SLC14A1: variants seen among roughly 807,000 people sequenced by gnomAD.
SLC14A1 encodes the protein solute carrier family 14 member 1 (Kidd blood group), also known as urea transporter 1.
SLC14A1 carries 36 observed loss-of-function variants against 39.6 expected under a neutral mutation model. The observed-to-expected ratio is 0.91, with a 90% CI of 0.70 to 1.20. SLC14A1 has a LOEUF of 1.20. SLC14A1 is among the 50% of genes most tolerant of loss of function. The probability of loss-of-function intolerance (pLI) is 0.00; values close to 1 mark genes in which losing one functional copy is unlikely to be tolerated. For synonymous variants in SLC14A1, 164 were observed against 173.6 expected, an observed-to-expected ratio of 0.94 and a Z score of 0.43; for missense variants, 469 against 478.7, an observed-to-expected ratio of 0.98 and a Z score of 0.19.
At chr18:45,737,040 T>G (rs16978475) in intron 6 of SLC14A1, among the ~76,000 whole-genome samples, 6 of 152,194 alleles carry the variant, frequency 3.9e-5, no homozygotes, top group African/African-American at 1.4e-4. Flanking sequence ...ATGCTTACTC[T>G]TAGAGCTTCT....
chr18:45,741,434 A>C (rs181549539), intron 8 of SLC14A1, among the ~76,000 whole-genome samples: 38 of 152,356 alleles, frequency 2.5e-4, no homozygotes, highest in Middle Eastern at 3.4e-3. Flanking sequence ...TAATCAAGCC[A>C]AGGTATCTAA....
At chr18:45,733,648 T>A (rs1568034657) in intron 4 of SLC14A1, among the ~76,000 whole-genome samples, 2 of 152,224 alleles carry the variant, frequency 1.3e-5, no homozygotes, top group Non-Finnish European at 1.5e-5. Flanking sequence ...CAGATTGCCT[T>A]ACTAAACTCC....
chr18:45,751,568 A>G lies in SLC14A1; in HGVS notation c.*1617A>G. On this transcript the variant is annotated 3_prime_UTR_variant, in exon 10 of 10. Transcript: ENST00000321925. ...GGAGGTAAAAGGATCTCTTGAGCCC[A>G]GGAGTTCAAGACCAGCTTGGGCAAC... is the stretch of plus-strand genomic sequence containing the variant. 1.1e-6 allele frequency: 1 copy of G among 945,916 alleles called. No individual in the cohort carries two copies. Among genetic ancestry groups the G allele is most frequent in the Non-Finnish European group, 1.3e-6 (1 of 794,118 alleles). 58.6% of individuals were successfully genotyped at this position (945,916 alleles called of 1,614,324 possible).
Position 45,734,282 on chromosome 18 carries a change from T to C in SLC14A1, c.350T>C (p.Ile117Thr), listed in dbSNP as rs374022751. The C allele has an allele frequency of 1.2e-5, 20 of 1,613,934 alleles. No homozygotes were observed. Among genetic ancestry groups the C allele is most frequent in the Non-Finnish European group, 1.5e-5 (18 of 1,179,960 alleles). Residue 117 changes from isoleucine (I) to threonine (T), a missense_variant, in exon 5 of 10, where the codon ATA becomes ACA. Coordinates refer to ENST00000321925, the MANE Select transcript of SLC14A1 (RefSeq NM_015865.7). Reference sequence around the variant, plus strand: ...TGTCTCTTGCCCCACAGGTCATTAATAGCATCTGGGCTCTATGGCTACAAT... The same window carrying C: ...TGTCTCTTGCCCCACAGGTCATTAACAGCATCTGGGCTCTATGGCTACAAT... Reference protein sequence around the residue: ...ALLLSQDRSLIASGLYGYNAT... With the variant: ...ALLLSQDRSLTASGLYGYNAT...
intron 2 of SLC14A1, chr18:45,727,065 T>C (rs2046884129): frequency 1.8e-6 from 1 of 548,104 alleles, no homozygotes. Flanking sequence ...GCTGTCTTTC[T>C]GCCCACTGAG....
intron 9 of SLC14A1, 123 bp from the exon 10 acceptor site, chr18:45,749,655 T>G (rs773285322): frequency 9.0e-7 from 1 of 1,111,218 alleles, no homozygotes; most frequent in Non-Finnish European, 1.4e-6. Flanking sequence ...ATGCACAGAA[T>G]CCAGAGCAAT....
At chr18:45,732,892 G>A (rs191432996) in intron 4 of SLC14A1, among the ~76,000 whole-genome samples, 5 of 152,312 alleles carry the variant, frequency 3.3e-5, no homozygotes, top group Admixed American at 1.3e-4. Context: ...AATATGTGGT[G>A]CATATACAAC....
chr18:45,750,787 T>G lies in SLC14A1; in HGVS notation c.*836T>G. 1.0e-6 allele frequency: 1 copy of G among 985,028 alleles called. No homozygotes were observed. The highest frequency in any genetic ancestry group is 1.7e-5 in the African/African-American group (1 of 57,344). The allele number at this position is 985,028 out of a possible 1,614,324, so 61.0% of individuals were successfully genotyped here. A position where few individuals can be genotyped will look rare whatever the true frequency, so the allele number is the denominator to read the frequency against. On this transcript the variant is annotated 3_prime_UTR_variant, in exon 10 of 10. Transcript: ENST00000321925. Reference sequence around the variant, plus strand: ...TTACTGTATTTATGAAATACTCAGCTTAGGCATTTTTACTTTAACCCCTAA... The same window carrying G: ...TTACTGTATTTATGAAATACTCAGCGTAGGCATTTTTACTTTAACCCCTAA...
chr18:45,734,367 G>A lies in SLC14A1; in HGVS notation c.435G>A (p.Trp145Ter). ...CGGACAAGGGAGACTATTTCTGGTG[G>A]CTGTTACTCCCTGTATGTGCTATGT... ...VFSDKGDYFWWLLLPVCAMSM... is the reference protein window; with the variant it reads ...VFSDKGDYFW Residue 145 changes from tryptophan to a stop codon, truncating the protein, a stop_gained, in exon 5 of 10, where the codon TGG becomes TGA. Coordinates refer to ENST00000321925, the MANE Select transcript of SLC14A1 (RefSeq NM_015865.7). LOFTEE classifies it high-confidence loss of function. The A allele has an allele frequency of 1.2e-6, 2 of 1,613,806 alleles. No homozygotes were observed. Among genetic ancestry groups the A allele is most frequent in the Non-Finnish European group, 1.7e-6 (2 of 1,179,960 alleles).
Position 45,749,894 on chromosome 18 carries a change from AG to A in SLC14A1, c.1114del (p.Glu372LysfsTer34), listed in dbSNP as rs1206597770. ...MPLSKVTYPE[E>X]NRIFYLQAKK... ...CCCTCAGTAAAGTTACTTATCCTGA[AG>A]AAAACCGCATCTTCTACCTGCAAGC... On this transcript the variant is annotated frameshift_variant, in exon 10 of 10. Coordinates refer to ENST00000321925, the MANE Select transcript of SLC14A1 (RefSeq NM_015865.7). LOFTEE classifies it high-confidence loss of function. 3.7e-6 allele frequency: 6 copies of A among 1,614,058 alleles called. No homozygotes were observed. Among genetic ancestry groups the A allele is most frequent in the Middle Eastern group, 1.6e-4 (1 of 6,084 alleles).
At position 45,727,495 on chromosome 18, in the gene SLC14A1, A is replaced by G. The variant is rs944612578; in HGVS notation, c.-22+2482A>G. ...AAACTCTGGTGTATCTTTTCCGGGC[A>G]GAGCCTGGGAAGTGGGGGTTGGCTG... On this transcript the variant is annotated intron_variant, in intron 2 of 9. Coordinates refer to ENST00000321925, the MANE Select transcript of SLC14A1 (RefSeq NM_015865.7). 11 of 1,452,200 alleles carry G rather than the reference A, an allele frequency of 7.6e-6. No individual in the cohort carries two copies. The South Asian group carries it at 1.4e-4, about 18-fold the overall frequency. The allele number at this position is 1,452,200 out of a possible 1,614,324, so 90.0% of individuals were successfully genotyped here.
In SLC14A1 at chr18:45,750,399, G is replaced by A. The variant is rs2047674296; in HGVS notation, c.*448G>A. ...TTAATCCAGAATTCTGTGATAAGCA[G>A]CTTGGCTTTTTTTTTAAATCAATGC... On this transcript the variant is annotated 3_prime_UTR_variant, in exon 10 of 10. Coordinates refer to ENST00000321925, the MANE Select transcript of SLC14A1 (RefSeq NM_015865.7). The A allele has an allele frequency of 1.5e-5, 16 of 1,071,760 alleles. No homozygotes were observed. The African/African-American group carries it at 1.7e-4, about 11-fold the overall frequency. 66.4% of individuals were successfully genotyped at this position (1,071,760 alleles called of 1,614,324 possible).
intron 4 of SLC14A1, among the ~76,000 whole-genome samples, chr18:45,732,919 C>T (rs2047076158): frequency 6.6e-6 from 1 of 152,138 alleles, no homozygotes; most frequent in Non-Finnish European, 1.5e-5. Flanking sequence ...TACTACATAG[C>T]CATAAAAAGG....
intron 8 of SLC14A1, among the ~76,000 whole-genome samples, chr18:45,741,834 G>A (rs993232381): frequency 2.6e-5 from 4 of 151,610 alleles, no homozygotes; most frequent in Admixed American, 2.6e-4. Flanking sequence ...GGGTTAGAAT[G>A]TTTATCCTAC....
intron 4 of SLC14A1, 87 bp downstream of exon 4, chr18:45,731,291 T>C: frequency 7.9e-7 from 1 of 1,269,400 alleles, no homozygotes; most frequent in Non-Finnish European, 1.1e-6. Context: ...TAAAACCACA[T>C]CCTTCCCAGG....
intron 5 of SLC14A1, among the ~76,000 whole-genome samples, chr18:45,735,601 G>A (rs1294736874): frequency 1.3e-5 from 2 of 152,204 alleles, no homozygotes; most frequent in Admixed American, 6.5e-5. Flanking sequence ...AGCACAGCCT[G>A]CTGTGGGCAG....
Position 45,749,798 on chromosome 18 carries a change from C to G in SLC14A1, c.1017C>G (p.Thr339=). ...FMAEVGLPAC[T]WPFCLATLLF... ...CCCAGGTTGGATTGCCAGCTTGTAC[C>G]TGGCCCTTCTGTTTGGCCACGCTAT... is the stretch of plus-strand genomic sequence containing the variant. Residue 339 remains threonine, a synonymous_variant, in exon 10 of 10, where the codon ACC becomes ACG. Coordinates refer to ENST00000321925, the MANE Select transcript of SLC14A1 (RefSeq NM_015865.7). 6.2e-7 allele frequency: 1 copy of G among 1,614,184 alleles called. No individual in the cohort carries two copies. Among genetic ancestry groups the G allele is most frequent in the South Asian group, 1.1e-5 (1 of 91,088 alleles).
chr18:45,749,481 A>G (rs898878358), intron 9 of SLC14A1, among the ~76,000 whole-genome samples: 47 of 152,124 alleles, frequency 3.1e-4, no homozygotes, highest in African/African-American at 1.1e-3. Flanking sequence ...TGCAAGTGTC[A>G]TCTCTGTCAA....
Position 45,751,945 on chromosome 18 carries a change from A to T in SLC14A1, c.*1994A>T. 46 of 985,366 alleles carry T rather than the reference A, an allele frequency of 4.7e-5. No homozygotes were observed. The highest frequency in any genetic ancestry group is 5.4e-5 in the Non-Finnish European group (45 of 829,902). The allele number at this position is 985,366 out of a possible 1,614,324, so 61.0% of individuals were successfully genotyped here. ...TAGTTTGCAGTGCTCAGTGCACAAT[A>T]TACATTTTGCTGAATGAATAAACAG... On this transcript the variant is annotated 3_prime_UTR_variant, in exon 10 of 10. Transcript: ENST00000321925.
Sources: gnomAD v4.1 joint callset for allele counts (sites outside exome capture counted in the v4.1 genomes callset) on GRCh38, gnomAD v4.1.1 for gene constraint, MANE v1.5 for transcripts, NCBI Gene and HGNC (gene_info 2026-07-23, HGNC 2026-07-21) for gene names.